TMEM178B: variants seen among roughly 807,000 people sequenced by gnomAD.
TMEM178B encodes the protein transmembrane protein 178B.
In TMEM178B, 5 loss-of-function variants were observed where a neutral mutation model predicts 31.0. That is an observed-to-expected ratio of 0.16 (90% CI 0.08 to 0.34). TMEM178B has a LOEUF of 0.34. TMEM178B is among the 10% of genes least tolerant of loss of function. TMEM178B has a pLI of 1.00. For missense variants in TMEM178B, 275 were observed against 400.3 expected, an observed-to-expected ratio of 0.69 and a Z score of 2.67; for synonymous variants, 164 against 164.0, an observed-to-expected ratio of 1.00 and a Z score of 0.00.
intron 2 of TMEM178B, among the ~76,000 whole-genome samples, chr7:141,391,266 A>G (rs1800533650): frequency 6.6e-6 from 1 of 152,090 alleles, no homozygotes; most frequent in South Asian, 2.1e-4. Context: ...CCCAGGCTCA[A>G]GTGATTCTCC....
chr7:141,169,321 T>A (rs1796311095), intron 1 of TMEM178B, among the ~76,000 whole-genome samples: 2 of 152,240 alleles, frequency 1.3e-5, no homozygotes, highest in Admixed American at 1.3e-4. Context: ...CTGTTTTAGT[T>A]TGCTAAGGAT....
At chr7:141,290,670 A>T (rs1186990963) in intron 2 of TMEM178B, among the ~76,000 whole-genome samples, 1 of 152,240 alleles carries the variant, frequency 6.6e-6, no homozygotes, top group African/African-American at 2.4e-5. Context: ...TCTGTAGAAT[A>T]ACTTTTCTAT....
chr7:141,231,187 A>G (rs1360039102), intron 2 of TMEM178B, among the ~76,000 whole-genome samples: 2 of 152,184 alleles, frequency 1.3e-5, no homozygotes, highest in Non-Finnish European at 2.9e-5. Context: ...CAGCGCCTAG[A>G]ACAGAGCTGG....
intron 1 of TMEM178B, among the ~76,000 whole-genome samples, chr7:141,107,465 G>A (rs1436814792): frequency 2.0e-5 from 3 of 152,214 alleles, no homozygotes; most frequent in Non-Finnish European, 4.4e-5. Context: ...TGGCAGTGGA[G>A]CGGGTGAGAA....
intron 1 of TMEM178B, among the ~76,000 whole-genome samples, chr7:141,086,905 A>G (rs574740532): frequency 6.6e-6 from 1 of 152,108 alleles, no homozygotes; most frequent in Non-Finnish European, 1.5e-5. Context: ...CCGGGCTCTT[A>G]TCGAACTCCT....
chr7:141,464,269 C>T (rs2116722182), intron 3 of TMEM178B, among the ~76,000 whole-genome samples: 1 of 152,292 alleles, frequency 6.6e-6, no homozygotes, highest in South Asian at 2.1e-4. Context: ...CCTCCCCGAC[C>T]TAGCATTGTC....
chr7:141,077,336 T>C (rs1181699313), intron 1 of TMEM178B, among the ~76,000 whole-genome samples: 3 of 152,232 alleles, frequency 2.0e-5, no homozygotes, highest in African/African-American at 7.2e-5. Context: ...GAAAAGACTT[T>C]AAAATCCGTT....
At chr7:141,203,257 C>G (rs1198514533) in intron 1 of TMEM178B, among the ~76,000 whole-genome samples, 1 of 152,078 alleles carries the variant, frequency 6.6e-6, no homozygotes, top group East Asian at 1.9e-4. Context: ...TGTGCTCTTT[C>G]TACTTTTGAT....
chr7:141,437,592 G>T lies in TMEM178B; in HGVS notation c.497-16G>T, dbSNP rs557312560. ...CAGGCTCTGCTGCTGACTGTTGCTC[G>T]CCTGCTTCCCCACAGACCTGCGCAG... On this transcript the variant is annotated splice_polypyrimidine_tract_variant and intron_variant, in intron 2 of 3. Transcript: ENST00000565468. 2.0e-6 allele frequency: 3 copies of T among 1,535,526 alleles called. No individual in the cohort carries two copies. Among genetic ancestry groups the T allele is most frequent in the African/African-American group, 1.4e-5 (1 of 73,022 alleles).
intron 2 of TMEM178B, among the ~76,000 whole-genome samples, chr7:141,435,664 C>T (rs1304184771): frequency 2.6e-5 from 4 of 152,202 alleles, no homozygotes; most frequent in South Asian, 2.1e-4. Context: ...TGGCTGCCCA[C>T]GCAGGCCGCT....
intron 2 of TMEM178B, among the ~76,000 whole-genome samples, chr7:141,349,059 T>C (rs1400021660): frequency 6.6e-6 from 1 of 152,224 alleles, no homozygotes; most frequent in Non-Finnish European, 1.5e-5. Context: ...TATTTTGTTA[T>C]CTTTCCACTA....
At chr7:141,270,090 A>T (rs1204305434) in intron 2 of TMEM178B, among the ~76,000 whole-genome samples, 4 of 152,140 alleles carry the variant, frequency 2.6e-5, no homozygotes, top group Non-Finnish European at 4.4e-5. Context: ...CAAAAAACTC[A>T]TAAAAAAAAC....
At chr7:141,418,757 G>C (rs1043102113) in intron 2 of TMEM178B, among the ~76,000 whole-genome samples, 1 of 152,174 alleles carries the variant, frequency 6.6e-6, no homozygotes, top group East Asian at 1.9e-4. Context: ...TTTCAAGTCA[G>C]TATCTCAAGT....
At chr7:141,481,543 G>C (rs1802474477), downstream of TMEM178B, among the ~76,000 whole-genome samples, 1 of 152,202 alleles carries the variant, frequency 6.6e-6, no homozygotes, top group Non-Finnish European at 1.5e-5. Flanking sequence ...GATGGGCACA[G>C]TGCTGGGCCT....
chr7:141,443,496 C>T (rs1024074192), intron 3 of TMEM178B, among the ~76,000 whole-genome samples: 8 of 152,114 alleles, frequency 5.3e-5, no homozygotes, highest in African/African-American at 1.9e-4. Flanking sequence ...GAATGCTCTT[C>T]TATTGAAACT....
intron 1 of TMEM178B, among the ~76,000 whole-genome samples, chr7:141,138,369 A>G (rs1795711161): frequency 6.6e-6 from 1 of 151,986 alleles, no homozygotes; most frequent in Non-Finnish European, 1.5e-5. Context: ...CCTAAAATTC[A>G]AAATTTTAAG....
intron 1 of TMEM178B, among the ~76,000 whole-genome samples, chr7:141,133,604 A>G (rs888307973): frequency 1.3e-5 from 2 of 152,202 alleles, no homozygotes; most frequent in African/African-American, 4.8e-5. Flanking sequence ...TCATAAAGCA[A>G]CCAAATATTT....
intron 1 of TMEM178B, among the ~76,000 whole-genome samples, chr7:141,168,625 C>T (rs28438710): frequency 0.051 from 7,736 of 152,032 alleles, 607 homozygotes; most frequent in African/African-American, 0.17. Context: ...TACAAATTAC[C>T]TGGGTGTGGT....
intron 2 of TMEM178B, among the ~76,000 whole-genome samples, chr7:141,406,185 C>A (rs1311648186): frequency 6.6e-6 from 1 of 152,206 alleles, no homozygotes; most frequent in Non-Finnish European, 1.5e-5. Context: ...AGCTTCCTGG[C>A]AACTTGTAGG....
Sources: gnomAD v4.1 joint callset for allele counts (sites outside exome capture counted in the v4.1 genomes callset) on GRCh38, gnomAD v4.1.1 for gene constraint, MANE v1.5 for transcripts, NCBI Gene and HGNC (gene_info 2026-07-23, HGNC 2026-07-21) for gene names.